RBM44: variants seen among roughly 807,000 people sequenced by gnomAD.
The protein encoded by RBM44 is RNA binding motif protein 44.
A neutral mutation model predicts 105.1 loss-of-function variants in RBM44; 66 were observed. That is an observed-to-expected ratio of 0.63 (90% CI 0.52 to 0.77). RBM44 has a LOEUF of 0.77. RBM44 is among the 30% of genes least tolerant of loss of function. The pLI, the probability that RBM44 is intolerant of heterozygous loss-of-function variation, is 0.00. For missense variants in RBM44, 1,122 were observed against 1,207.8 expected, an observed-to-expected ratio of 0.93 and a Z score of 1.05; for synonymous variants, 365 against 417.6, an observed-to-expected ratio of 0.87 and a Z score of 1.54.
At position 237,818,117 on chromosome 2, in the gene RBM44, C is replaced by A. The variant is rs776389962; in HGVS notation, c.1198C>A (p.Gln400Lys). 6.2e-7 allele frequency: 1 copy of A among 1,613,012 alleles called. No homozygotes were observed. Among genetic ancestry groups the A allele is most frequent in the African/African-American group, 1.3e-5 (1 of 74,972 alleles). ...TGCCTGTGGATATTATGAAAGCCTA[C>A]AAAACACTGCTGACTCAGCCTTAGA... Reference protein sequence around the residue: ...ISACGYYESLQNTADSALDFS... With the variant: ...ISACGYYESLKNTADSALDFS... Residue 400 changes from glutamine to lysine, a missense_variant, in exon 3 of 16, where the codon CAA (glutamine) becomes AAA (lysine). By Grantham distance (53) the Gln-to-Lys change is moderately conservative (BLOSUM62 1). Coordinates refer to ENST00000316997, the MANE Select transcript of RBM44 (RefSeq NM_001080504.3). The surrounding 1 kb of genome is among the most constrained non-coding windows in gnomAD (Gnocchi z 4.6).
At chr2:237,812,599 C>T (rs1382096968) in intron 1 of RBM44, among the ~76,000 whole-genome samples, 2 of 152,142 alleles carry the variant, frequency 1.3e-5, no homozygotes, top group Non-Finnish European at 2.9e-5. Context: ...TGAAATAATT[C>T]AGAGTTAAAA....
At chr2:237,801,075 C>T (rs1339447468) in intron 1 of RBM44, among the ~76,000 whole-genome samples, 1 of 152,102 alleles carries the variant, frequency 6.6e-6, no homozygotes, top group Non-Finnish European at 1.5e-5. Context: ...GTGGTTTATG[C>T]CTGTAATCCC....
rs1408168260 is a variant in RBM44, at chr2:237,827,477, T to G, written c.2574T>G (p.Ile858Met). Residue 858 changes from isoleucine (I) to methionine (M), a missense_variant, in exon 12 of 16, where the codon ATT becomes ATG. Transcript: ENST00000316997. Reference sequence around the variant, plus strand: ...TCCAAAAATACCAAGTTTCTGAAATTTCAATTTATGATTCTACTAATTACA... The same window carrying G: ...TCCAAAAATACCAAGTTTCTGAAATGTCAATTTATGATTCTACTAATTACA... ...SHFQKYQVSE[I>M]SIYDSTNYRY... is the part of the protein sequence containing the mutation. 1 of 1,520,448 alleles carries G rather than the reference T, an allele frequency of 6.6e-7. No homozygotes were observed. The highest frequency in any genetic ancestry group is 8.9e-7 in the Non-Finnish European group (1 of 1,119,900). The allele number at this position is 1,520,448 out of a possible 1,614,324, so 94.2% of individuals were successfully genotyped here.
chr2:237,830,776 A>T (rs990488430), intron 13 of RBM44, among the ~76,000 whole-genome samples: 1 of 152,158 alleles, frequency 6.6e-6, no homozygotes, highest in African/African-American at 2.4e-5. Context: ...TTCTACCCAT[A>T]GTACACTGTC....
intron 12 of RBM44, 141 bp from the exon 13 acceptor site, chr2:237,829,076 C>T (rs1273729724): frequency 1.5e-5 from 8 of 548,674 alleles, no homozygotes; most frequent in South Asian, 9.0e-5. Flanking sequence ...CTTCTTAATC[C>T]CAAGGTAAGT....
At position 237,841,607 on chromosome 2, in the gene RBM44, A is replaced by C. The variant is rs960848065; in HGVS notation, c.*23-232A>C. 6.6e-5 allele frequency among the ~76,000 whole-genome samples: 10 copies of C among 151,106 alleles called. No homozygotes were observed. Among genetic ancestry groups the C allele is most frequent in the Admixed American group, 5.3e-4 (8 of 15,024 alleles). On this transcript the variant is annotated intron_variant, in intron 15 of 15. Transcript: ENST00000316997. This position sits in a 1 kb window ranked among gnomAD's most constrained non-coding sequence, Gnocchi z 4.5. ...AAAATAAAATATCTGATTTTTCTTT[A>C]TTAAAATGAAATAAAATGAGAGGCA...
intron 2 of RBM44, among the ~76,000 whole-genome samples, chr2:237,814,903 C>T (rs972378548): frequency 6.6e-6 from 1 of 151,834 alleles, no homozygotes; most frequent in African/African-American, 2.4e-5. Context: ...CCCACCCCCC[C>T]CTACACACAC....
At chr2:237,829,164 G>A in intron 12 of RBM44, 53 bp from the exon 13 acceptor site, 13 of 1,383,630 alleles carry the variant, frequency 9.4e-6, no homozygotes, top group Non-Finnish European at 1.3e-5. Context: ...AATTAAGTTT[G>A]ATGTAATTTG....
Position 237,833,998 on chromosome 2 carries a change from G to A in RBM44, c.2888G>A (p.Gly963Asp). 1 of 1,516,230 alleles carries A rather than the reference G, an allele frequency of 6.6e-7. No homozygotes were observed. Among genetic ancestry groups the A allele is most frequent in the Non-Finnish European group, 8.9e-7 (1 of 1,127,082 alleles). 93.9% of individuals were successfully genotyped at this position (1,516,230 alleles called of 1,614,324 possible). A position where few individuals can be genotyped will look rare whatever the true frequency, so the allele number is the denominator to read the frequency against. The stretch of plus-strand genomic sequence containing the variant: ...AAAACTTTTTAAATGCTTATTTAGG[G>A]TGTCAAGAAGAATTGTAAGCAGATT... ...QDSEVFPSDQ[G>D]VKKNCKQIES... Residue 963 changes from glycine to aspartate, a missense_variant and splice_region_variant, in exon 14 of 16, where the codon GGT becomes GAT. Coordinates refer to ENST00000316997, the MANE Select transcript of RBM44 (RefSeq NM_001080504.3).
chr2:237,831,656 T>C (rs991182135), intron 13 of RBM44, among the ~76,000 whole-genome samples: 5 of 152,224 alleles, frequency 3.3e-5, no homozygotes, highest in African/African-American at 1.2e-4. Flanking sequence ...GCTTCTCTTT[T>C]GTCCCGATAA....
Position 237,835,023 on chromosome 2 carries a change from A to C in RBM44, c.*22+600A>C, listed in dbSNP as rs188138130. Among the ~76,000 whole-genome samples the C allele has an allele frequency of 2.6e-5, 4 of 152,272 alleles. No homozygotes were observed. In the East Asian group the frequency reaches 7.7e-4, roughly 29 times the overall value. On this transcript the variant is annotated intron_variant, in intron 15 of 15. Transcript: ENST00000316997. ...CAAGTCTATCAGCGCCATTTTTCCAACAATGTTTACCCACTTTGTGTCTGT... is the reference window on the plus strand; with the variant it reads ...CAAGTCTATCAGCGCCATTTTTCCACCAATGTTTACCCACTTTGTGTCTGT...
rs1333770358 is a variant in RBM44 at position 237,803,837 on chromosome 2, G to C, written c.-19+4976G>C. Among the ~76,000 whole-genome samples the C allele has an allele frequency of 1.3e-5, 2 of 151,706 alleles. No homozygotes were observed. Among genetic ancestry groups the C allele is most frequent in the African/African-American group, 4.8e-5 (2 of 41,322 alleles). ...TTCCCTCTAGGTAAAAATCTAGATA[G>C]TAGAAATATACTTGTGCCAGTACCA... On this transcript the variant is annotated intron_variant, in intron 1 of 15. Transcript: ENST00000316997. The surrounding 1 kb of genome is among the most constrained non-coding windows in gnomAD (Gnocchi z 4.2).
chr2:237,829,846 T>TA (rs2061886443), intron 13 of RBM44, among the ~76,000 whole-genome samples: 1 of 152,226 alleles, frequency 6.6e-6, no homozygotes, highest in Non-Finnish European at 1.5e-5. Context: ...GTTAAAACCG[T>TA]AAAATGTAGT....
At chr2:237,821,472 A>C (rs2061789326) in intron 7 of RBM44, 104 bp downstream of exon 7, 2 of 867,862 alleles carry the variant, frequency 2.3e-6, no homozygotes, top group Non-Finnish European at 3.6e-6. Context: ...ACATTGATAA[A>C]TGTTTTAATG....
chr2:237,821,297 A>G, intron 6 of RBM44, 43 bp downstream of exon 6: 1 of 1,556,168 alleles, frequency 6.4e-7, no homozygotes, highest in South Asian at 1.2e-5. Context: ...TACTTCATTT[A>G]GACAAAACAT....
At position 237,817,351 on chromosome 2, in the gene RBM44, T is replaced by C. The variant is rs550246382; in HGVS notation, c.432T>C (p.Phe144=). ...DPEVQKKEEV[F]FNILEHQDKT... ...AAGTGCAGAAAAAAGAGGAGGTTTT[T>C]TTTAATATTTTGGAACATCAAGATA... is the stretch of plus-strand genomic sequence containing the variant. Residue 144 remains phenylalanine, a synonymous_variant, in exon 3 of 16, where the codon TTT becomes TTC. Transcript: ENST00000316997. 443 of 1,600,920 alleles carry C rather than the reference T, an allele frequency of 2.8e-4. 7 individuals are homozygous for C. In the South Asian group the frequency reaches 4.7e-3, roughly 17 times the overall value.
chr2:237,818,116 A>G lies in RBM44; in HGVS notation c.1197A>G (p.Leu399=). The change falls in exon 3 of 16, where the codon CTA becomes CTG. Residue 399 remains leucine (L), a synonymous_variant. Coordinates refer to ENST00000316997, the MANE Select transcript of RBM44 (RefSeq NM_001080504.3). This position sits in a 1 kb window ranked among gnomAD's most constrained non-coding sequence, Gnocchi z 4.6. ...IISACGYYES[L]QNTADSALDF... is the part of the protein sequence containing the mutation. ...CTGCCTGTGGATATTATGAAAGCCT[A>G]CAAAACACTGCTGACTCAGCCTTAG... The G allele has an allele frequency of 6.2e-7, 1 of 1,613,124 alleles. No individual in the cohort carries two copies.
At chr2:237,816,027 C>T (rs1238676780) in intron 2 of RBM44, among the ~76,000 whole-genome samples, 1 of 152,102 alleles carries the variant, frequency 6.6e-6, no homozygotes, top group Admixed American at 6.6e-5. Context: ...GTTGATAATT[C>T]CTGTCATACT....
At position 237,817,870 on chromosome 2, in the gene RBM44, C is replaced by A. The variant is rs1400941294; in HGVS notation, c.951C>A (p.Ser317Arg). The change falls in exon 3 of 16, where the codon AGC becomes AGA. Residue 317 changes from serine to arginine, a missense_variant. Ser to Arg is a moderately radical substitution (Grantham distance 110, BLOSUM62 -1). Coordinates refer to ENST00000316997, the MANE Select transcript of RBM44 (RefSeq NM_001080504.3). ...CTCAATCTAAGAGTGGTTCCTTGAGCCCTCAAAAAGTATTAAAAATGAAAA... is the reference window on the plus strand; with the variant it reads ...CTCAATCTAAGAGTGGTTCCTTGAGACCTCAAAAAGTATTAAAAATGAAAA... Reference protein sequence around the residue: ...QESQSKSGSLSPQKVLKMKIY... With the variant: ...QESQSKSGSLRPQKVLKMKIY... The A allele has an allele frequency of 6.2e-7, 1 of 1,607,310 alleles. No individual in the cohort carries two copies. Among genetic ancestry groups the A allele is most frequent in the Non-Finnish European group, 8.5e-7 (1 of 1,177,896 alleles).
Sources: gnomAD v4.1 joint callset for allele counts (sites outside exome capture counted in the v4.1 genomes callset) on GRCh38, gnomAD v4.1.1 for gene constraint, Gnocchi (gnomAD v3.1) non-coding constraint, MANE v1.5 for transcripts, NCBI Gene and HGNC (gene_info 2026-07-23, HGNC 2026-07-21) for gene names.